CCSER1: variants seen among roughly 807,000 people sequenced by gnomAD.
The protein encoded by CCSER1 is coiled-coil serine rich protein 1, also known as serine-rich coiled-coil domain-containing protein 1.
In CCSER1, 41 loss-of-function variants were observed where a neutral mutation model predicts 82.0. The observed-to-expected ratio is 0.50, with a 90% confidence interval of 0.39 to 0.65. The LOEUF (loss-of-function observed/expected upper bound fraction) is 0.65. Ranked by LOEUF, CCSER1 falls within the 30% of genes least tolerant of loss-of-function variation. The probability of loss-of-function intolerance (pLI) is 0.00; values close to 1 mark genes in which losing one functional copy is unlikely to be tolerated. For missense variants in CCSER1, 1,119 were observed against 1,064.2 expected (o/e 1.05, Z -0.72); for synonymous variants, 414 against 383.9 (o/e 1.08, Z -0.92).
intron 1 of CCSER1, among the ~76,000 whole-genome samples, chr4:90,275,997 GA>G (rs1055392875): frequency 2.0e-5 from 3 of 152,116 alleles, no homozygotes; most frequent in Admixed American, 6.6e-5. Context: ...AAGTTTGGGA[GA>G]AGAGTATGAT....
At chr4:91,598,386 T>C (rs1764680323) in intron 10 of CCSER1, among the ~76,000 whole-genome samples, 186 bp from the exon 11 acceptor site, 1 of 152,188 alleles carries the variant, frequency 6.6e-6, no homozygotes, top group African/African-American at 2.4e-5. Context: ...ATTAACCATT[T>C]AATCACTATC....
chr4:90,244,365 A>G (rs1268606586), intron 1 of CCSER1, among the ~76,000 whole-genome samples: 1 of 152,198 alleles, frequency 6.6e-6, no homozygotes, highest in Non-Finnish European at 1.5e-5. Context: ...GCCCTGACAA[A>G]TGGTCCAGCA....
intron 6 of CCSER1, among the ~76,000 whole-genome samples, chr4:90,628,770 T>C (rs1723800668): frequency 6.6e-6 from 1 of 152,162 alleles, no homozygotes; most frequent in South Asian, 2.1e-4. Context: ...AGTGAGCTAG[T>C]CAGGAAAATG....
chr4:90,873,522 G>C (rs996622552), intron 8 of CCSER1, among the ~76,000 whole-genome samples: 1 of 151,940 alleles, frequency 6.6e-6, no homozygotes, highest in South Asian at 2.1e-4. Context: ...CTTTACAATG[G>C]TATTGACCTT....
chr4:90,171,810 A>T (rs1206031506), intron 1 of CCSER1, among the ~76,000 whole-genome samples: 3 of 151,884 alleles, frequency 2.0e-5, no homozygotes, highest in East Asian at 3.9e-4. Flanking sequence ...TCAGCCTGAA[A>T]CCAATAAATT....
intron 9 of CCSER1, among the ~76,000 whole-genome samples, chr4:91,063,861 G>GA (rs1160190916): frequency 6.6e-6 from 1 of 152,046 alleles, no homozygotes; most frequent in Non-Finnish European, 1.5e-5. Flanking sequence ...TACATACTCC[G>GA]AATTGGTTCT....
chr4:90,364,427 G>A (rs557904410), intron 3 of CCSER1, among the ~76,000 whole-genome samples: 1 of 152,034 alleles, frequency 6.6e-6, no homozygotes, highest in East Asian at 1.9e-4. Context: ...AATTGATGGT[G>A]TTCTGATTTT....
intron 10 of CCSER1, among the ~76,000 whole-genome samples, chr4:91,450,584 T>C (rs902122930): frequency 6.6e-6 from 1 of 152,078 alleles, no homozygotes; most frequent in Non-Finnish European, 1.5e-5. Flanking sequence ...CTGCAGAGTT[T>C]CCAGGCTGAA....
intron 4 of CCSER1, among the ~76,000 whole-genome samples, chr4:90,442,022 C>T (rs1247275163): frequency 6.6e-6 from 1 of 152,120 alleles, no homozygotes; most frequent in South Asian, 2.1e-4. Flanking sequence ...ACTCTCGGCC[C>T]TATGAACTAA....
At chr4:91,511,332 T>C (rs1297875163) in intron 10 of CCSER1, among the ~76,000 whole-genome samples, 1 of 152,228 alleles carries the variant, frequency 6.6e-6, no homozygotes, top group African/African-American at 2.4e-5. Flanking sequence ...ATGTGAATTT[T>C]AGAATAGCTC....
intron 7 of CCSER1, among the ~76,000 whole-genome samples, chr4:90,790,804 A>G (rs554368336): frequency 1.3e-5 from 2 of 152,220 alleles, no homozygotes; most frequent in Non-Finnish European, 2.9e-5. Flanking sequence ...TCTCTAGGAA[A>G]TTCCAAGCTT....
chr4:91,080,280 A>G (rs982602148), intron 9 of CCSER1, among the ~76,000 whole-genome samples: 4 of 152,168 alleles, frequency 2.6e-5, no homozygotes, highest in African/African-American at 9.6e-5. Flanking sequence ...AAACCACTCA[A>G]CTACATGGAA....
chr4:91,364,294 A>G (rs773231252), intron 10 of CCSER1, among the ~76,000 whole-genome samples: 57 of 152,070 alleles, frequency 3.7e-4, no homozygotes, highest in Non-Finnish European at 7.5e-4. Flanking sequence ...TAAATATATA[A>G]AATTAGGCCT....
chr4:90,415,086 G>T (rs926046587), intron 4 of CCSER1, among the ~76,000 whole-genome samples: 1 of 152,138 alleles, frequency 6.6e-6, no homozygotes, highest in African/African-American at 2.4e-5. Flanking sequence ...TATTTTGAGT[G>T]TCCTATTAGC....
intron 10 of CCSER1, among the ~76,000 whole-genome samples, chr4:91,105,951 TGCTGCTCCA>T (rs949003775): frequency 7.2e-5 from 11 of 152,168 alleles, no homozygotes; most frequent in Admixed American, 7.2e-4. Flanking sequence ...TTGTACAGCC[TGCTGCTCCA>T]AACCTTACTG....
intron 10 of CCSER1, among the ~76,000 whole-genome samples, chr4:91,142,402 T>G (rs1370822959): frequency 6.6e-6 from 1 of 152,190 alleles, no homozygotes; most frequent in Non-Finnish European, 1.5e-5. Context: ...ATGTCTTTAT[T>G]AGCAACATGA....
chr4:90,441,618 C>T (rs897596571), intron 4 of CCSER1, among the ~76,000 whole-genome samples: 5 of 152,234 alleles, frequency 3.3e-5, no homozygotes, highest in African/African-American at 1.2e-4. Context: ...GGGGTGGTGA[C>T]ACGATTCAGT....
intron 6 of CCSER1, among the ~76,000 whole-genome samples, chr4:90,704,602 C>G (rs1738917434): frequency 6.6e-6 from 1 of 152,236 alleles, no homozygotes; most frequent in Non-Finnish European, 1.5e-5. Flanking sequence ...CCATCACTTT[C>G]AGGTATACCA....
At chr4:90,988,264 G>A (rs57930494) in intron 9 of CCSER1, among the ~76,000 whole-genome samples, 40,589 of 144,916 alleles carry the variant, frequency 0.28, 6,711 homozygotes, top group East Asian at 0.39. Flanking sequence ...GAGCCAGGAA[G>A]GTCAAGACTG....
Sources: allele counts gnomAD v4.1 joint callset (sites outside exome capture counted in the v4.1 genomes callset), GRCh38; gene constraint gnomAD v4.1.1; transcripts MANE v1.5; gene names NCBI Gene and HGNC (gene_info 2026-07-23, HGNC 2026-07-21).